EGFR: variants seen among roughly 807,000 people sequenced by gnomAD.
The protein encoded by EGFR is epidermal growth factor receptor.
In EGFR, 58 loss-of-function variants were observed where a neutral mutation model predicts 143.0. The ratio of observed to expected loss-of-function variants is 0.41; its 90% confidence interval spans 0.33 to 0.50. EGFR has a LOEUF of 0.50. Among genes scored for constraint, EGFR ranks in the 20% least tolerant of loss-of-function variants. The pLI is 0.39. For synonymous variants in EGFR, 613 were observed against 594.4 expected (o/e 1.03, Z -0.45); for missense variants, 1,307 against 1,579.0 (o/e 0.83, Z 2.92).
chr7:55,201,054 C>T (rs2128971213), intron 24 of EGFR, 134 bp from the exon 25 acceptor site: 1 of 1,112,568 alleles, frequency 9.0e-7, no homozygotes, highest in South Asian at 1.3e-5. Flanking sequence ...ATTTAGAGAA[C>T]CAAGGGGGAT....
chr7:55,200,005 G>A (rs886318427), intron 23 of EGFR, among the ~76,000 whole-genome samples: 2 of 152,224 alleles, frequency 1.3e-5, no homozygotes, highest in African/African-American at 2.4e-5. Flanking sequence ...AGTTCATGGA[G>A]AGCAATTGTA....
At position 55,170,886 on chromosome 7, in the gene EGFR, T is replaced by C. The variant is rs1786316124; in HGVS notation, c.1881-289T>C. 15 of 1,413,068 alleles carry C rather than the reference T, an allele frequency of 1.1e-5. No individual in the cohort carries two copies. In the South Asian group the frequency reaches 2.1e-4, roughly 20 times the overall value. 87.5% of individuals were successfully genotyped at this position (1,413,068 alleles called of 1,614,324 possible). ...GCCAGCTGTGGGACAATTATCTGTGTCAAAAGCCAGATGTGAAAACATCTC... is the reference window on the plus strand; with the variant it reads ...GCCAGCTGTGGGACAATTATCTGTGCCAAAAGCCAGATGTGAAAACATCTC... On this transcript the variant is annotated intron_variant, in intron 15 of 27. Transcript: ENST00000275493.
intron 1 of EGFR, among the ~76,000 whole-genome samples, chr7:55,135,872 T>A (rs558876419): frequency 3.3e-5 from 5 of 152,236 alleles, no homozygotes; most frequent in African/African-American, 1.2e-4. Flanking sequence ...TCTTTAGCCT[T>A]CTTTAACACT....
At chr7:55,050,787 C>G (rs1034855733) in intron 1 of EGFR, among the ~76,000 whole-genome samples, 5 of 152,186 alleles carry the variant, frequency 3.3e-5, no homozygotes, top group African/African-American at 1.2e-4. Context: ...TCATCTCTAC[C>G]AGATGAACTC....
At chr7:55,095,319 T>C (rs936251093) in intron 1 of EGFR, among the ~76,000 whole-genome samples, 13 of 152,238 alleles carry the variant, frequency 8.5e-5, no homozygotes, top group African/African-American at 2.9e-4. Context: ...GGGAAGATAC[T>C]GGACTGTTGT....
In EGFR at chr7:55,040,659, C is replaced by A. The variant is rs1787847371; in HGVS notation, c.88+21294C>A. Among the ~76,000 whole-genome samples, 3 of 152,186 alleles carry A rather than the reference C, an allele frequency of 2.0e-5. No homozygotes were observed. The South Asian group carries it at 6.2e-4, about 32-fold the overall frequency. On this transcript the variant is annotated intron_variant, in intron 1 of 27. Coordinates refer to ENST00000275493, the MANE Select transcript of EGFR (RefSeq NM_005228.5). ...TTATTTCTCAGTGTCTACTTATAAA[C>A]ATGTTTTTTGAACTACTGTTTTTGT...
chr7:55,094,048 C>A (rs773550037), intron 1 of EGFR, among the ~76,000 whole-genome samples: 1 of 152,154 alleles, frequency 6.6e-6, no homozygotes. Flanking sequence ...AAAGATGAAA[C>A]CCATTGTACA....
At chr7:55,019,413 C>G (rs1445434868) in intron 1 of EGFR, 48 bp downstream of exon 1, 7 of 1,265,430 alleles carry the variant, frequency 5.5e-6, no homozygotes, top group South Asian at 1.9e-5. Flanking sequence ...GATCGCGCCC[C>G]GGACCCCGCA....
At position 55,120,465 on chromosome 7, in the gene EGFR, T is replaced by C. The variant is rs1793133776; in HGVS notation, c.89-21821T>C. Among the ~76,000 whole-genome samples, 3 of 152,242 alleles carry C rather than the reference T, an allele frequency of 2.0e-5. No individual in the cohort carries two copies. The South Asian group carries it at 6.2e-4, about 31-fold the overall frequency. The stretch of plus-strand genomic sequence containing the variant: ...TAACTCTTGTTAGTAGAGAAAGCAA[T>C]GTATTACAACCACAAGGACGTTTAC... On this transcript the variant is annotated intron_variant, in intron 1 of 27. Transcript: ENST00000275493.
chr7:55,156,637 A>G lies in EGFR; in HGVS notation c.1111A>G (p.Ile371Val), dbSNP rs1405999227. The change falls in exon 9 of 28, where the codon ATC becomes GTC. Residue 371 changes from isoleucine (I) to valine (V), a missense_variant. Around this residue, in one of 7 missense-constraint regions of EGFR, gnomAD observed 15 missense variants for 46.5 expected, o/e 0.32. Transcript: ENST00000275493. ...CACCTCCATCAGTGGCGATCTCCAC[A>G]TCCTGCCGGTGGCATTTAGGGGGTG... ...NCTSISGDLHILPVAFRGDSF... is the reference protein window; with the variant it reads ...NCTSISGDLHVLPVAFRGDSF... The G allele has an allele frequency of 1.2e-6, 2 of 1,614,266 alleles. No homozygotes were observed. Among genetic ancestry groups the G allele is most frequent in the Admixed American group, 1.7e-5 (1 of 60,030 alleles).
intron 1 of EGFR, among the ~76,000 whole-genome samples, chr7:55,073,327 G>A (rs549600390): frequency 6.6e-6 from 1 of 152,178 alleles, no homozygotes; most frequent in Non-Finnish European, 1.5e-5. Flanking sequence ...CTGTAAAATA[G>A]GTATGAGTGT....
chr7:55,046,423 C>T (rs888906688), intron 1 of EGFR, among the ~76,000 whole-genome samples: 1 of 152,170 alleles, frequency 6.6e-6, no homozygotes, highest in Non-Finnish European at 1.5e-5. Flanking sequence ...TAATTCCTTA[C>T]TCTTCAGAGA....
chr7:55,097,332 A>G (rs1791539870), intron 1 of EGFR, among the ~76,000 whole-genome samples: 2 of 152,216 alleles, frequency 1.3e-5, no homozygotes, highest in Non-Finnish European at 2.9e-5. Flanking sequence ...AAGGTCACAC[A>G]GTCATCGCAA....
rs190546602 is a variant in EGFR at position 55,077,627 on chromosome 7, G to A, written c.88+58262G>A. Reference sequence around the variant, plus strand: ...TTACTTCCAAGTGGAACTAAGCCAGGGTAACTCAGGGTAGGGCAGCTGCTT... The same window carrying A: ...TTACTTCCAAGTGGAACTAAGCCAGAGTAACTCAGGGTAGGGCAGCTGCTT... On this transcript the variant is annotated intron_variant, in intron 1 of 27. Transcript: ENST00000275493. 1.6e-3 allele frequency among the ~76,000 whole-genome samples: 244 copies of A among 152,202 alleles called. 1 individual carries two copies. The highest frequency in any genetic ancestry group is 2.9e-3 in the Non-Finnish European group (195 of 68,008).
intron 1 of EGFR, among the ~76,000 whole-genome samples, chr7:55,048,552 A>T (rs1291464179): frequency 6.6e-6 from 1 of 152,210 alleles, no homozygotes; most frequent in African/African-American, 2.4e-5. Context: ...CCAATTGAAT[A>T]TATTGGTTAA....
At chr7:55,203,638 TAC>T (rs753309143) in intron 27 of EGFR, among the ~76,000 whole-genome samples, 83 of 93,802 alleles carry the variant, frequency 8.8e-4, no homozygotes, top group Middle Eastern at 0.013. Context: ...ACACCACACA[TAC>T]ACACACACAC....
At chr7:55,093,382 G>A (rs899685461) in intron 1 of EGFR, among the ~76,000 whole-genome samples, 9 of 152,132 alleles carry the variant, frequency 5.9e-5, no homozygotes, top group Non-Finnish European at 8.8e-5. Flanking sequence ...ACTCTACCTC[G>A]TTTTGGAATC....
At chr7:55,128,868 T>C (rs1793680467) in intron 1 of EGFR, among the ~76,000 whole-genome samples, 1 of 152,180 alleles carries the variant, frequency 6.6e-6, no homozygotes, top group African/African-American at 2.4e-5. Flanking sequence ...AGGCCTACTA[T>C]TAATAGATGG....
intron 7 of EGFR, 21 bp downstream of exon 7, chr7:55,154,173 C>A (rs2128935253): frequency 6.2e-7 from 1 of 1,614,194 alleles, no homozygotes; most frequent in South Asian, 1.1e-5. Context: ...CTCTGTGGGC[C>A]CTCTAACTGG....
Sources: allele counts gnomAD v4.1 joint callset (sites outside exome capture counted in the v4.1 genomes callset), GRCh38; gene constraint gnomAD v4.1.1; regional missense constraint gnomAD v4.1.1; transcripts MANE v1.5; gene names NCBI Gene and HGNC (gene_info 2026-07-23, HGNC 2026-07-21).